Variants in CADM2 observed in about 807,000 individuals in gnomAD.
CADM2 encodes cell adhesion molecule 2.
A neutral mutation model predicts 49.8 loss-of-function variants in CADM2; 12 were observed. The ratio of observed to expected loss-of-function variants is 0.24; its 90% CI spans 0.15 to 0.39. The LOEUF (loss-of-function observed/expected upper bound fraction) is 0.39. Among genes scored for constraint, CADM2 ranks in the 10% least tolerant of loss-of-function variants. CADM2 has a pLI of 1.00. For synonymous variants in CADM2, 214 were observed against 175.4 expected, an observed-to-expected ratio of 1.22 and a Z score of -1.74; for missense variants, 378 against 492.3, an observed-to-expected ratio of 0.77 and a Z score of 2.20.
intron 3 of CADM2, among the ~76,000 whole-genome samples, chr3:85,819,818 GGC>G: frequency 6.6e-6 from 1 of 152,124 alleles, no homozygotes; most frequent in African/African-American, 2.4e-5. Context: ...GGACAAAACA[GGC>G]AAAACTCTGC....
intron 3 of CADM2, among the ~76,000 whole-genome samples, chr3:85,850,058 C>T (rs1209693201): frequency 1.3e-5 from 2 of 152,124 alleles, no homozygotes; most frequent in African/African-American, 2.4e-5. Context: ...TAACTCAATA[C>T]TTCTCAAATG....
At chr3:85,717,131 T>A (rs1047255776) in intron 1 of CADM2, among the ~76,000 whole-genome samples, 4 of 152,222 alleles carry the variant, frequency 2.6e-5, no homozygotes, top group Non-Finnish European at 5.9e-5. Context: ...TCCATGAGCA[T>A]GGAATGTTTT....
chr3:85,682,744 T>C (rs1181574363), intron 1 of CADM2, among the ~76,000 whole-genome samples: 2 of 152,096 alleles, frequency 1.3e-5, no homozygotes, highest in Non-Finnish European at 2.9e-5. Context: ...AGAGACAAAT[T>C]AACATTCTGT....
chr3:84,988,363 A>T (rs1023522675), intron 1 of CADM2, among the ~76,000 whole-genome samples: 1 of 152,234 alleles, frequency 6.6e-6, no homozygotes, highest in Non-Finnish European at 1.5e-5. Context: ...AGCCAGTGCT[A>T]ATTTGTGCTA....
At chr3:85,136,960 A>T (rs2039430613) in intron 1 of CADM2, among the ~76,000 whole-genome samples, 1 of 152,150 alleles carries the variant, frequency 6.6e-6, no homozygotes, top group Non-Finnish European at 1.5e-5. Flanking sequence ...TATGCAAATA[A>T]GATATTTCAC....
At chr3:85,280,247 T>G (rs1367123101) in intron 1 of CADM2, among the ~76,000 whole-genome samples, 1 of 151,736 alleles carries the variant, frequency 6.6e-6, no homozygotes, top group Non-Finnish European at 1.5e-5. Flanking sequence ...TCCCTCAACT[T>G]TCGCTTGTCT....
Position 85,499,792 on chromosome 3 carries a change from G to A in CADM2, c.62-226730G>A, listed in dbSNP as rs188596059. The stretch of plus-strand genomic sequence containing the variant: ...TGTCTTAAGATTTAATTATTTTACA[G>A]CTTTTCCTAGCAAGGAGCAAAATTA... On this transcript the variant is annotated intron_variant, in intron 1 of 9. Transcript: ENST00000383699. Among the ~76,000 whole-genome samples the A allele has an allele frequency of 1.6e-4, 24 of 152,164 alleles. No individual in the cohort carries two copies. The East Asian group carries it at 3.3e-3, about 21-fold the overall frequency.
At chr3:85,411,656 C>T (rs141530375) in intron 1 of CADM2, among the ~76,000 whole-genome samples, 1 of 152,076 alleles carries the variant, frequency 6.6e-6, no homozygotes, top group Non-Finnish European at 1.5e-5. Context: ...GTAGAGGAGG[C>T]TCTAATTTGT....
At chr3:85,172,764 G>A (rs2040661692) in intron 1 of CADM2, among the ~76,000 whole-genome samples, 1 of 151,006 alleles carries the variant, frequency 6.6e-6, no homozygotes. Flanking sequence ...TAAGGCTGTT[G>A]TAATTGGTGG....
intron 1 of CADM2, among the ~76,000 whole-genome samples, chr3:85,241,222 A>T (rs1333917740): frequency 6.6e-6 from 1 of 151,522 alleles, no homozygotes; most frequent in Non-Finnish European, 1.5e-5. Context: ...CCTCTGTGCA[A>T]CATGAACAAA....
chr3:85,527,351 G>A (rs1245836650), intron 1 of CADM2, among the ~76,000 whole-genome samples: 2 of 146,664 alleles, frequency 1.4e-5, no homozygotes, highest in African/African-American at 4.9e-5. Context: ...CTATGATCAT[G>A]TCACTGCACT....
At chr3:86,047,799 T>C (rs1048705078) in intron 8 of CADM2, among the ~76,000 whole-genome samples, 7 of 152,186 alleles carry the variant, frequency 4.6e-5, no homozygotes, top group African/African-American at 1.7e-4. Flanking sequence ...AGTGAAATAC[T>C]CTCACATTTC....
chr3:85,433,096 A>C (rs947680849), intron 1 of CADM2, among the ~76,000 whole-genome samples: 2 of 151,836 alleles, frequency 1.3e-5, no homozygotes, highest in African/African-American at 4.8e-5. Context: ...AGGCAAATTT[A>C]GATCATGGGT....
rs1017235697 is a variant in CADM2, at chr3:86,028,213, A to C, written c.971-37392A>C. On this transcript the variant is annotated intron_variant, in intron 8 of 9. Transcript: ENST00000383699. ...ACTTAAAGTATAATAAATAAATAAA[A>C]AAAAGAAGTCAAAAAAAAAAAAAAG... 7.3e-5 allele frequency among the ~76,000 whole-genome samples: 11 copies of C among 151,000 alleles called. No homozygotes were observed. In the South Asian group the frequency reaches 2.4e-3, roughly 33 times the overall value.
intron 1 of CADM2, among the ~76,000 whole-genome samples, chr3:85,515,691 C>G (rs986365157): frequency 4.0e-5 from 6 of 148,716 alleles, no homozygotes; most frequent in African/African-American, 1.5e-4. Flanking sequence ...AGGCTGGTCT[C>G]AGACCTCGAA....
intron 1 of CADM2, among the ~76,000 whole-genome samples, chr3:85,151,561 C>T (rs998152479): frequency 8.5e-5 from 13 of 152,128 alleles, no homozygotes; most frequent in African/African-American, 1.7e-4. Flanking sequence ...TTAGAGCAGC[C>T]GATTAAAATC....
intron 1 of CADM2, among the ~76,000 whole-genome samples, chr3:85,153,443 G>A (rs745800813): frequency 6.6e-6 from 1 of 152,190 alleles, no homozygotes; most frequent in African/African-American, 2.4e-5. Context: ...CCATGCCAAC[G>A]GAGTCTCACT....
intron 1 of CADM2, among the ~76,000 whole-genome samples, chr3:85,306,975 T>C (rs921965180): frequency 2.0e-5 from 3 of 151,684 alleles, no homozygotes; most frequent in African/African-American, 4.8e-5. Context: ...CAGATTTAAC[T>C]GTTACTCCCT....
At chr3:85,894,948 G>A (rs1358645715) in intron 5 of CADM2, among the ~76,000 whole-genome samples, 1 of 152,194 alleles carries the variant, frequency 6.6e-6, no homozygotes, top group Non-Finnish European at 1.5e-5. Context: ...GCAGGGGCAG[G>A]GCCCTCATGG....
Sources: gnomAD v4.1 joint callset for allele counts (sites outside exome capture counted in the v4.1 genomes callset) on GRCh38, gnomAD v4.1.1 for gene constraint, MANE v1.5 for transcripts, NCBI Gene and HGNC (gene_info 2026-07-23, HGNC 2026-07-21) for gene names.